Variants in EMP2 observed in about 807,000 individuals in gnomAD.
The protein encoded by EMP2 is epithelial membrane protein 2.
In EMP2, 19 loss-of-function variants were observed where a neutral mutation model predicts 13.7. The observed-to-expected ratio is 1.38, with a 90% CI of 0.97 to 2.03. The LOEUF is 2.03. EMP2 is among the 30% of genes most tolerant of loss of function. The probability of loss-of-function intolerance (pLI) is 0.00; values close to 1 mark genes in which losing one functional copy is unlikely to be tolerated. For synonymous variants in EMP2, 97 were observed against 84.7 expected (o/e 1.15, Z -0.80); for missense variants, 253 against 220.7 (o/e 1.15, Z -0.93).
intron 1 of EMP2, among the ~76,000 whole-genome samples, chr16:10,579,942 G>T (rs1179292564): frequency 1.3e-5 from 2 of 152,166 alleles, no homozygotes; most frequent in East Asian, 1.9e-4. Flanking sequence ...CCTACCTCTG[G>T]AACACATGGG....
At chr16:10,556,705 A>C (rs1021498864) in intron 1 of EMP2, among the ~76,000 whole-genome samples, 6 of 152,246 alleles carry the variant, frequency 3.9e-5, no homozygotes, top group African/African-American at 1.4e-4. Flanking sequence ...TGTCAATCTT[A>C]TGATGCTGGC....
At position 10,534,903 on chromosome 16, in the gene EMP2, T is replaced by C. The variant is rs542870956; in HGVS notation, c.317-1811A>G. On this transcript the variant is annotated intron_variant, in intron 4 of 4. Coordinates refer to ENST00000359543, the MANE Select transcript of EMP2 (RefSeq NM_001424.6). Reference sequence around the variant, plus strand: ...GTTTTGGTGGGACTATCCTTCAAGATGCTCAGACATTCTCTGGCCAGGGGC... The same window carrying C: ...GTTTTGGTGGGACTATCCTTCAAGACGCTCAGACATTCTCTGGCCAGGGGC... 1.8e-4 allele frequency among the ~76,000 whole-genome samples: 28 copies of C among 152,376 alleles called. 2 individuals are homozygous for C. In the South Asian group the frequency reaches 5.6e-3, roughly 30 times the overall value.
chr16:10,562,879 A>C (rs2050882492), intron 1 of EMP2, among the ~76,000 whole-genome samples: 1 of 152,228 alleles, frequency 6.6e-6, no homozygotes, highest in Non-Finnish European at 1.5e-5. Context: ...TGACCCTGTC[A>C]ATTAAAGAGC....
chr16:10,565,587 G>T (rs1359286857), intron 1 of EMP2, among the ~76,000 whole-genome samples: 5 of 152,098 alleles, frequency 3.3e-5, no homozygotes, highest in African/African-American at 1.2e-4. Context: ...CACCCCTTTG[G>T]TTTCTCTGCA....
chr16:10,570,203 G>T (rs975473597), intron 1 of EMP2, among the ~76,000 whole-genome samples: 2 of 150,390 alleles, frequency 1.3e-5, no homozygotes, highest in African/African-American at 2.4e-5. Flanking sequence ...GGGCTAGAAA[G>T]TGTCCCTGAA....
At chr16:10,554,317 C>T (rs2050811323) in intron 1 of EMP2, among the ~76,000 whole-genome samples, 1 of 152,206 alleles carries the variant, frequency 6.6e-6, no homozygotes, top group Non-Finnish European at 1.5e-5. Flanking sequence ...CAGGCGTGAG[C>T]CACCGTGCCC....
intron 4 of EMP2, among the ~76,000 whole-genome samples, chr16:10,536,684 A>C (rs901025620): frequency 6.6e-6 from 1 of 152,048 alleles, no homozygotes; most frequent in Non-Finnish European, 1.5e-5. Context: ...GTGGTACAGC[A>C]CCCCACAGCT....
chr16:10,537,272 G>C (rs1318439225), intron 4 of EMP2, among the ~76,000 whole-genome samples: 2 of 152,150 alleles, frequency 1.3e-5, no homozygotes, highest in Non-Finnish European at 2.9e-5. Context: ...AAATTCCTAA[G>C]TAGAAAAAAA....
chr16:10,566,519 G>C (rs1262865740), intron 1 of EMP2, among the ~76,000 whole-genome samples: 1 of 152,128 alleles, frequency 6.6e-6, no homozygotes, highest in Non-Finnish European at 1.5e-5. Context: ...AACTGAAAAG[G>C]GAATCGCTTT....
In EMP2 at chr16:10,529,420, A is replaced by G. The variant is rs1199047264; in HGVS notation, c.*3485T>C. The stretch of plus-strand genomic sequence containing the variant: ...ATACAGCAGGGAAGAGGCATCTCTC[A>G]TGTCTCAAAAAAGCTTAATGGCACA... On this transcript the variant is annotated 3_prime_UTR_variant, in exon 5 of 5. Coordinates refer to ENST00000359543, the MANE Select transcript of EMP2 (RefSeq NM_001424.6). 1.3e-5 allele frequency: 2 copies of G among 152,280 alleles called. No homozygotes were observed. Among genetic ancestry groups the G allele is most frequent in the Non-Finnish European group, 2.9e-5 (2 of 68,024 alleles). 9.4% of individuals were successfully genotyped at this position (152,280 alleles called of 1,614,324 possible). A position where few individuals can be genotyped will look rare whatever the true frequency, so the allele number is the denominator to read the frequency against.
intron 1 of EMP2, among the ~76,000 whole-genome samples, chr16:10,555,365 G>C (rs941255841): frequency 2.6e-5 from 4 of 152,174 alleles, no homozygotes; most frequent in Non-Finnish European, 4.4e-5. Context: ...AAGGCCACCT[G>C]AGTTTGGGCG....
chr16:10,554,724 C>A (rs542471066), intron 1 of EMP2, among the ~76,000 whole-genome samples: 1 of 152,186 alleles, frequency 6.6e-6, no homozygotes, highest in Non-Finnish European at 1.5e-5. Flanking sequence ...TGCCTGCAGG[C>A]TTCAGTGCTC....
intron 1 of EMP2, chr16:10,576,558 T>C (rs1006928883): frequency 6.6e-6 from 1 of 151,776 alleles, no homozygotes; most frequent in African/African-American, 2.4e-5. Flanking sequence ...GTGTCAAATA[T>C]CACCCTGGTG....
At chr16:10,559,709 G>A (rs989793404) in intron 1 of EMP2, among the ~76,000 whole-genome samples, 3 of 152,120 alleles carry the variant, frequency 2.0e-5, no homozygotes, top group Non-Finnish European at 2.9e-5. Flanking sequence ...GAGTCTCGCT[G>A]TGTTGCCCAG....
At chr16:10,533,899 A>C (rs1347160406) in intron 4 of EMP2, among the ~76,000 whole-genome samples, 1 of 152,068 alleles carries the variant, frequency 6.6e-6, no homozygotes, top group African/African-American at 2.4e-5. Flanking sequence ...GGGTCACCTG[A>C]GGTCAGTAGT....
intron 3 of EMP2, 51 bp downstream of exon 3, chr16:10,543,519 G>A (rs774462940): frequency 3.1e-5 from 50 of 1,594,910 alleles, no homozygotes; most frequent in Non-Finnish European, 4.0e-5. Context: ...ACTCCTGACC[G>A]TTCCTTCCTC....
intron 3 of EMP2, among the ~76,000 whole-genome samples, chr16:10,539,635 G>C (rs2050678792): frequency 6.6e-6 from 1 of 152,000 alleles, no homozygotes; most frequent in Non-Finnish European, 1.5e-5. Flanking sequence ...TGGTTACGTG[G>C]GTGTTTATAC....
Position 10,562,662 on chromosome 16 carries a change from C to T in EMP2, c.-60-14985G>A, listed in dbSNP as rs186918924. 6.6e-5 allele frequency among the ~76,000 whole-genome samples: 10 copies of T among 152,234 alleles called. No homozygotes were observed. In the East Asian group the frequency reaches 1.7e-3, roughly 26 times the overall value. ...GTTTTCTATTTTAAGCCATTACATTCTGGGGTGGTTTGTTACCCAGCAAGA... is the reference window on the plus strand; with the variant it reads ...GTTTTCTATTTTAAGCCATTACATTTTGGGGTGGTTTGTTACCCAGCAAGA... On this transcript the variant is annotated intron_variant, in intron 1 of 4. Coordinates refer to ENST00000359543, the MANE Select transcript of EMP2 (RefSeq NM_001424.6).
intron 1 of EMP2, chr16:10,576,359 G>T (rs2050984061): frequency 6.6e-6 from 1 of 152,096 alleles, no homozygotes; most frequent in African/African-American, 2.4e-5. Flanking sequence ...TTTGAGGAAA[G>T]ACAGTTCAGA....
Sources: allele counts gnomAD v4.1 joint callset (sites outside exome capture counted in the v4.1 genomes callset), GRCh38; gene constraint gnomAD v4.1.1; transcripts MANE v1.5; gene names NCBI Gene and HGNC (gene_info 2026-07-23, HGNC 2026-07-21).